NLRP9: variants seen among roughly 807,000 people sequenced by gnomAD.
The protein encoded by NLRP9 is NACHT, LRR and PYD domains-containing protein 9.
NLRP9 carries 88 observed loss-of-function variants against 83.1 expected under a neutral mutation model. That is an observed-to-expected ratio of 1.06 (90% CI 0.89 to 1.26). NLRP9 has a LOEUF of 1.26. Among genes scored for constraint, NLRP9 ranks in the 50% most tolerant of loss-of-function variants. The pLI, the probability that NLRP9 is intolerant of heterozygous loss-of-function variation, is 0.00. For synonymous variants in NLRP9, 521 were observed against 447.6 expected (o/e 1.16, Z -2.07); for missense variants, 1,308 against 1,179.3 (o/e 1.11, Z -1.60).
chr19:55,713,139 T>C (rs1363835208), intron 6 of NLRP9, among the ~76,000 whole-genome samples: 2 of 150,962 alleles, frequency 1.3e-5, no homozygotes, highest in African/African-American at 4.9e-5. Flanking sequence ...CTGCCCCAAT[T>C]ATCAGCATAG....
chr19:55,734,188 G>T (rs556925234), intron 1 of NLRP9, among the ~76,000 whole-genome samples: 1 of 151,718 alleles, frequency 6.6e-6, no homozygotes, highest in South Asian at 2.1e-4. Context: ...CTCCCAAAGT[G>T]CTGGGATTAC....
chr19:55,729,872 G>C lies in NLRP9; in HGVS notation c.1953C>G (p.Cys651Trp). Residue 651 changes from cysteine to tryptophan, a missense_variant, in exon 3 of 9, where the codon TGC becomes TGG. By Grantham distance (215) the Cys-to-Trp change is radical. Transcript: ENST00000332836. The stretch of plus-strand genomic sequence containing the variant: ...TACAAACAGGCTGAGCCAGCGCTTT[G>C]CAAAGAATCGCCAGGGAGGGATCAT... Reference protein sequence around the residue: ...SLDDPSLAILCKALAQPVCKL... With the variant: ...SLDDPSLAILWKALAQPVCKL... 6.2e-7 allele frequency: 1 copy of C among 1,613,794 alleles called. No homozygotes were observed. The highest frequency in any genetic ancestry group is 8.5e-7 in the Non-Finnish European group (1 of 1,179,746).
At chr19:55,723,838 A>G in intron 4 of NLRP9, 142 bp downstream of exon 4, 1 of 636,790 alleles carries the variant, frequency 1.6e-6, no homozygotes. Context: ...CCTTCACCTT[A>G]TGAGAGAGAC....
intron 8 of NLRP9, 73 bp downstream of exon 8, chr19:55,711,727 C>T: frequency 6.9e-7 from 1 of 1,443,778 alleles, no homozygotes; most frequent in Non-Finnish European, 9.6e-7. Context: ...CATCATGTCG[C>T]GGTTGAGCAA....
At position 55,711,949 on chromosome 19, in the gene NLRP9, G is replaced by A. The variant is rs774030442; in HGVS notation, c.2694C>T (p.Thr898=). The A allele has an allele frequency of 1.2e-6, 2 of 1,613,010 alleles. No individual in the cohort carries two copies. The highest frequency in any genetic ancestry group is 2.2e-5 in the South Asian group (2 of 91,076). ...CGGCGATGTCGTCGCAGCAGGCACG[G>A]GTGATCGGACACGTTTGCAGCCTGC... ...ECLGLQTCPI[T]RACCDDIAAA... is the part of the protein sequence containing the mutation. Residue 898 remains threonine, a synonymous_variant, in exon 8 of 9, where the codon ACC becomes ACT. Coordinates refer to ENST00000332836, the MANE Select transcript of NLRP9 (RefSeq NM_176820.4).
At chr19:55,727,982 C>T (rs1988449717) in intron 3 of NLRP9, among the ~76,000 whole-genome samples, 1 of 152,174 alleles carries the variant, frequency 6.6e-6, no homozygotes. Flanking sequence ...GAAAACCAGA[C>T]AGAAGCTTCC....
At chr19:55,716,257 CT>C (rs931275248) in intron 5 of NLRP9, among the ~76,000 whole-genome samples, 2,043 of 117,774 alleles carry the variant, frequency 0.017, 29 homozygotes, top group African/African-American at 0.06. Flanking sequence ...TAAAAATTTT[CT>C]TTTTTTTTTT....
chr19:55,734,516 T>TACAC (rs200706363), intron 1 of NLRP9, among the ~76,000 whole-genome samples: 21 of 98,570 alleles, frequency 2.1e-4, no homozygotes, highest in African/African-American at 7.4e-4. Context: ...CACATATATA[T>TACAC]ACACACACAC....
chr19:55,729,832 T>A lies in NLRP9; in HGVS notation c.1993A>T (p.Ile665Leu). Residue 665 changes from isoleucine (I) to leucine (L), a missense_variant and splice_region_variant, in exon 3 of 9, where the codon ATA becomes TTA. By Grantham distance (5) the Ile-to-Leu change is conservative. Coordinates refer to ENST00000332836, the MANE Select transcript of NLRP9 (RefSeq NM_176820.4). ...AGGACAGGTTAACATAAAACTTACA[T>A]GAGTTTTCGGAGTTTACAAACAGGC... ...AQPVCKLRKL[I>L]FTSVYFGHDS... The A allele has an allele frequency of 6.2e-7, 1 of 1,610,070 alleles. No homozygotes were observed. The highest frequency in any genetic ancestry group is 8.5e-7 in the Non-Finnish European group (1 of 1,178,444).
At chr19:55,712,072 T>A in intron 7 of NLRP9, 102 bp from the exon 8 acceptor site, 1 of 1,187,784 alleles carries the variant, frequency 8.4e-7, no homozygotes, top group Non-Finnish European at 1.2e-6. Context: ...CAGGACGCTC[T>A]GCTGTCTAGA....
At chr19:55,729,233 ATT>A (rs72078860) in intron 3 of NLRP9, among the ~76,000 whole-genome samples, 14,201 of 138,892 alleles carry the variant, frequency 0.1, 2,252 homozygotes, top group African/African-American at 0.34. Flanking sequence ...ATGTCACTAC[ATT>A]TTTTTTTTTT....
intron 3 of NLRP9, among the ~76,000 whole-genome samples, chr19:55,726,295 C>A (rs1485846821): frequency 6.6e-6 from 1 of 152,140 alleles, no homozygotes; most frequent in African/African-American, 2.4e-5. Flanking sequence ...GGATAATCAA[C>A]CTCATGGAAA....
At chr19:55,729,758 CT>C (rs1555795741) in intron 3 of NLRP9, 72 bp downstream of exon 3, 9 of 1,292,950 alleles carry the variant, frequency 7.0e-6, no homozygotes, top group Non-Finnish European at 9.7e-6. Flanking sequence ...CATGGGTCTT[CT>C]TCCAAAAAGG....
In NLRP9 at chr19:55,732,051, G is replaced by T. The variant is rs768080525; in HGVS notation, c.1780C>A (p.Leu594Ile). The change falls in exon 2 of 9, where the codon CTT becomes ATT. Residue 594 changes from leucine (L) to isoleucine (I), a missense_variant. Leu to Ile is a conservative substitution (Grantham distance 5). Transcript: ENST00000332836. The part of the protein sequence containing the change: ...CLKHCQHLTT[L>I]RMCVENIFPD... ...AAGATATTCTCCACACACATGCGAA[G>T]TGTCGTTAAATGTTGACAATGCTTC... is the stretch of plus-strand genomic sequence containing the variant. 1 of 1,602,230 alleles carries T rather than the reference G, an allele frequency of 6.2e-7. No homozygotes were observed. The highest frequency in any genetic ancestry group is 8.5e-7 in the Non-Finnish European group (1 of 1,175,944).
intron 1 of NLRP9, among the ~76,000 whole-genome samples, chr19:55,733,942 A>ATTTTTT (rs1221052980): frequency 6.6e-5 from 3 of 45,252 alleles, no homozygotes; most frequent in Admixed American, 1.9e-4. Flanking sequence ...TTTTTTTTTG[A>ATTTTTT]GACGGAGTCT....
rs1367957203 is a variant in NLRP9 at position 55,732,516 on chromosome 19, C to T, written c.1315G>A (p.Asp439Asn). The T allele has an allele frequency of 6.2e-7, 1 of 1,614,200 alleles. No individual in the cohort carries two copies. The highest frequency in any genetic ancestry group is 2.2e-5 in the East Asian group (1 of 44,882). The change falls in exon 2 of 9, where the codon GAC becomes AAC. Residue 439 changes from aspartate (D) to asparagine (N), a missense_variant. Physicochemically the swap from Asp to Asn is conservative, Grantham distance 23. Transcript: ENST00000332836. Reference protein sequence around the residue: ...VGMRLLQRRGDCFAFMHLCIQ... With the variant: ...VGMRLLQRRGNCFAFMHLCIQ... The stretch of plus-strand genomic sequence containing the variant: ...CACAGATGCATGAAGGCAAAACAGT[C>T]CCCTCTCCTTTGGAGGAGTCTCATA...
intron 4 of NLRP9, among the ~76,000 whole-genome samples, chr19:55,723,727 C>CAAAAAAAAAAAAAA (rs10711721): frequency 1.3e-5 from 1 of 79,824 alleles, no homozygotes; most frequent in East Asian, 3.7e-4. Flanking sequence ...GACCCTGTCT[C>CAAAAAAAAAAAAAA]AAAAAAAAAA....
At chr19:55,713,760 T>TC (rs1396735676) in intron 6 of NLRP9, among the ~76,000 whole-genome samples, 10 of 76 alleles carry the variant, frequency 0.13, no homozygotes, top group South Asian at 0.25. Flanking sequence ...TCTTCCCCCC[T>TC]CCTCCCCACC....
chr19:55,709,329 T>G lies in NLRP9; in HGVS notation c.2844-285A>C, dbSNP rs551217198. The G allele has an allele frequency of 2.0e-5, 4 of 198,010 alleles. No individual in the cohort carries two copies. The South Asian group carries it at 5.3e-4, about 26-fold the overall frequency. 12.3% of individuals were successfully genotyped at this position (198,010 alleles called of 1,614,324 possible). The stretch of plus-strand genomic sequence containing the variant: ...AAAAACACAGGATAACTTCCATTCA[T>G]CTGATGTTCATATGCCCTGGCACAT... On this transcript the variant is annotated intron_variant, in intron 8 of 8. Coordinates refer to ENST00000332836, the MANE Select transcript of NLRP9 (RefSeq NM_176820.4).
Sources: gnomAD v4.1 joint callset for allele counts (sites outside exome capture counted in the v4.1 genomes callset) on GRCh38, gnomAD v4.1.1 for gene constraint, MANE v1.5 for transcripts, NCBI Gene and HGNC (gene_info 2026-07-23, HGNC 2026-07-21) for gene names.